The following XDH variants were observed in gnomAD, a reference collection of about 807,000 sequenced individuals.
XDH encodes the protein xanthine dehydrogenase/oxidase.
XDH carries 138 observed loss-of-function variants against 156.1 expected under a neutral mutation model. That is an observed-to-expected ratio of 0.88 (90% CI 0.77 to 1.02). The LOEUF (loss-of-function observed/expected upper bound fraction) is 1.02. XDH is among the 50% of genes least tolerant of loss of function. XDH has a pLI of 0.00. For missense variants in XDH, 1,849 were observed against 1,684.9 expected, an observed-to-expected ratio of 1.10 and a Z score of -1.71; for synonymous variants, 669 against 625.7, an observed-to-expected ratio of 1.07 and a Z score of -1.03.
In XDH at chr2:31,375,582, G is replaced by A. The variant is rs776576985; in HGVS notation, c.1428-28C>T. ...GCCAGAGAGCAGGGCGTGGGACAGCGCTCCCGCCCAGCCCTCCAGACCCCT... is the reference window on the plus strand; with the variant it reads ...GCCAGAGAGCAGGGCGTGGGACAGCACTCCCGCCCAGCCCTCCAGACCCCT... On this transcript the variant is annotated intron_variant, in intron 14 of 35. Coordinates refer to ENST00000379416, the MANE Select transcript of XDH (RefSeq NM_000379.4). The A allele has an allele frequency of 1.6e-5, 26 of 1,609,218 alleles. No individual in the cohort carries two copies. In the East Asian group the frequency reaches 2.5e-4, roughly 15 times the overall value.
intron 24 of XDH, among the ~76,000 whole-genome samples, chr2:31,355,544 A>G (rs1384965430): frequency 1.3e-5 from 2 of 152,118 alleles, no homozygotes; most frequent in Non-Finnish European, 2.9e-5. Context: ...CTTCACCAAA[A>G]CTAGTAAAAT....
intron 26 of XDH, 124 bp downstream of exon 26, chr2:31,349,562 G>T (rs533559059): frequency 2.0e-5 from 28 of 1,410,608 alleles, no homozygotes; most frequent in Admixed American, 3.4e-5. Flanking sequence ...CTGTGAATGA[G>T]TTGGCAAACT....
chr2:31,387,171 G>C (rs1272377843), intron 8 of XDH, among the ~76,000 whole-genome samples: 1 of 152,230 alleles, frequency 6.6e-6, no homozygotes, highest in Non-Finnish European at 1.5e-5. Context: ...AGAAAGATCT[G>C]CTGGTGGCCT....
At chr2:31,346,933 C>G in intron 29 of XDH, 90 bp from the exon 30 acceptor site, 2 of 1,533,528 alleles carry the variant, frequency 1.3e-6, no homozygotes, top group East Asian at 2.3e-5. Context: ...AAGGCTACCT[C>G]CAAGCAATGC....
At chr2:31,338,485 T>C (rs1685028235) in intron 34 of XDH, among the ~76,000 whole-genome samples, 1 of 152,130 alleles carries the variant, frequency 6.6e-6, no homozygotes, top group Admixed American at 6.6e-5. Flanking sequence ...TGGTAAAGTA[T>C]GACAGTCAAT....
intron 12 of XDH, among the ~76,000 whole-genome samples, chr2:31,380,913 G>A (rs1296981436): frequency 6.6e-6 from 1 of 152,178 alleles, no homozygotes; most frequent in East Asian, 1.9e-4. Context: ...GCAAAATGAA[G>A]TACTTACGAA....
Position 31,386,435 on chromosome 2 carries a change from C to T in XDH, c.772G>A (p.Val258Ile). Residue 258 changes from valine to isoleucine, a missense_variant, in exon 9 of 36, where the codon GTC (valine) becomes ATC (isoleucine). Physicochemically the swap from Val to Ile is conservative, Grantham distance 29. Coordinates refer to ENST00000379416, the MANE Select transcript of XDH (RefSeq NM_000379.4). Reference protein sequence around the residue: ...LKAQHPDAKLVVGNTEIGIEM... With the variant: ...LKAQHPDAKLIVGNTEIGIEM... The stretch of plus-strand genomic sequence containing the variant: ...TTACCAATCTCCGTGTTCCCCACGA[C>T]CAGCTTGGCGTCAGGGTGCTGAGCC... 1 of 1,613,772 alleles carries T rather than the reference C, an allele frequency of 6.2e-7. No individual in the cohort carries two copies. Among genetic ancestry groups the T allele is most frequent in the Non-Finnish European group, 8.5e-7 (1 of 1,180,038 alleles).
intron 15 of XDH, among the ~76,000 whole-genome samples, chr2:31,374,292 T>A (rs1018678922): frequency 1.3e-5 from 2 of 152,178 alleles, no homozygotes; most frequent in African/African-American, 4.8e-5. Flanking sequence ...CTTGCCCTCC[T>A]CAATTCTGTG....
intron 1 of XDH, among the ~76,000 whole-genome samples, chr2:31,412,111 A>T (rs1687358190): frequency 6.6e-6 from 1 of 152,214 alleles, no homozygotes; most frequent in Non-Finnish European, 1.5e-5. Flanking sequence ...TCTCAGCTAG[A>T]CAGAGTGACT....
chr2:31,381,192 C>T (rs2148780091), intron 12 of XDH, among the ~76,000 whole-genome samples: 1 of 152,208 alleles, frequency 6.6e-6, no homozygotes, highest in African/African-American at 2.4e-5. Context: ...CATGGGGTTT[C>T]ACCATGTTGG....
Position 31,342,620 on chromosome 2 carries a change from G to C in XDH, c.3405-323C>G, listed in dbSNP as rs186461005. On this transcript the variant is annotated intron_variant, in intron 31 of 35. Coordinates refer to ENST00000379416, the MANE Select transcript of XDH (RefSeq NM_000379.4). Reference sequence around the variant, plus strand: ...ATCCATCTGGGCTCACGAAGGACATGAAAGTCACACTCCAAAGGATGTACT... The same window carrying C: ...ATCCATCTGGGCTCACGAAGGACATCAAAGTCACACTCCAAAGGATGTACT... Among the ~76,000 whole-genome samples, 287 of 152,306 alleles carry C rather than the reference G, an allele frequency of 1.9e-3. 1 individual carries two copies. The highest frequency in any genetic ancestry group is 2.7e-3 in the Non-Finnish European group (184 of 68,028).
chr2:31,360,141 C>A (rs1685738833), intron 24 of XDH, among the ~76,000 whole-genome samples: 1 of 152,194 alleles, frequency 6.6e-6, no homozygotes, highest in Admixed American at 6.5e-5. Context: ...AGTTTGTTAA[C>A]CAAGGAAGCC....
In XDH at chr2:31,337,806, C is replaced by T; in HGVS notation, c.3786G>A (p.Glu1262=). The change falls in exon 35 of 36, where the codon GAG becomes GAA. Residue 1262 remains glutamate (E), a synonymous_variant. Transcript: ENST00000379416. ...TAGAAGCAGCCAGGAAGAGGGGCGG[C>T]TCTCCAACAGCCTGAACACAGACAG... is the stretch of plus-strand genomic sequence containing the variant. ...KAIYASKAVG[E]PPLFLAASIF... 6.2e-7 allele frequency: 1 copy of T among 1,614,100 alleles called. No homozygotes were observed. The highest frequency in any genetic ancestry group is 8.5e-7 in the Non-Finnish European group (1 of 1,180,002).
At chr2:31,383,648 G>C (rs1686502621) in intron 10 of XDH, 107 bp downstream of exon 10, 1 of 1,035,178 alleles carries the variant, frequency 9.7e-7, no homozygotes, top group African/African-American at 1.6e-5. Flanking sequence ...GAGAAGCAGG[G>C]GGCAGCCAGA....
rs1572532430 is a variant in XDH at position 31,366,013 on chromosome 2, T to A, written c.2419A>T (p.Thr807Ser). 6.2e-7 allele frequency: 1 copy of A among 1,614,218 alleles called. No homozygotes were observed. Among genetic ancestry groups the A allele is most frequent in the South Asian group, 1.1e-5 (1 of 91,084 alleles). ...AGGGCCACTGCCGTGGACACCACAG[T>A]GCTCCGGGTCTCCTTGCCTCCAAAG... ...GGFGGKETRS[T>S]VVSTAVALAA... Residue 807 changes from threonine to serine, a missense_variant, in exon 22 of 36, where the codon ACT (threonine) becomes TCT (serine). Thr to Ser is a moderately conservative substitution (Grantham distance 58). Transcript: ENST00000379416.
chr2:31,350,565 G>A (rs1233324508), intron 24 of XDH, among the ~76,000 whole-genome samples: 1 of 151,738 alleles, frequency 6.6e-6, no homozygotes, highest in Non-Finnish European at 1.5e-5. Flanking sequence ...TAGTAGAGAT[G>A]GGGTTTCACC....
chr2:31,358,710 A>T (rs985252709), intron 24 of XDH, among the ~76,000 whole-genome samples: 1 of 152,108 alleles, frequency 6.6e-6, no homozygotes, highest in Non-Finnish European at 1.5e-5. Flanking sequence ...TTCAACACCC[A>T]TTCATTATAA....
chr2:31,352,018 AT>A (rs1685493897), intron 24 of XDH, among the ~76,000 whole-genome samples: 1 of 152,194 alleles, frequency 6.6e-6, no homozygotes, highest in African/African-American at 2.4e-5. Flanking sequence ...GGCTGTTTTA[AT>A]CCCAAAGTGT....
intron 1 of XDH, among the ~76,000 whole-genome samples, chr2:31,412,724 A>G (rs1687375965): frequency 6.6e-6 from 1 of 152,216 alleles, no homozygotes; most frequent in South Asian, 2.1e-4. Flanking sequence ...TCTTCTGAAT[A>G]AAAATGAGGA....
Sources: allele counts gnomAD v4.1 joint callset (sites outside exome capture counted in the v4.1 genomes callset), GRCh38; gene constraint gnomAD v4.1.1; transcripts MANE v1.5; gene names NCBI Gene and HGNC (gene_info 2026-07-23, HGNC 2026-07-21).